The following DOCK3 variants were observed in gnomAD, a reference collection of about 807,000 sequenced individuals.
DOCK3 encodes the protein dedicator of cytokinesis protein 3.
DOCK3 carries 60 observed loss-of-function variants against 265.6 expected under a neutral mutation model. The ratio of observed to expected loss-of-function variants is 0.23; its 90% confidence interval spans 0.18 to 0.28. The LOEUF is 0.28. Ranked by LOEUF, DOCK3 falls within the 10% of genes least tolerant of loss-of-function variation. The pLI, the probability that DOCK3 is intolerant of heterozygous loss-of-function variation, is 1.00. For missense variants in DOCK3, 1,981 were observed against 2,594.3 expected (o/e 0.76, Z 5.14); for synonymous variants, 881 against 938.0 (o/e 0.94, Z 1.11).
chr3:50,675,657 G>T lies in DOCK3; in HGVS notation c.37+357G>T, dbSNP rs73833239. ...TATGTTTTCTCCCCTCCAAAAGCTC[G>T]ATTTTAATGAGTTTCCGCACCTGAA... On this transcript the variant is annotated intron_variant, in intron 1 of 52. Coordinates refer to ENST00000266037, the MANE Select transcript of DOCK3 (RefSeq NM_004947.5). The surrounding 1 kb of genome is among the most constrained non-coding windows in gnomAD (Gnocchi z 6.1). 0.025 allele frequency among the ~76,000 whole-genome samples: 3,789 copies of T among 152,290 alleles called. 180 individuals carry two copies. The highest frequency in any genetic ancestry group is 0.087 in the African/African-American group (3,603 of 41,550).
chr3:50,897,075 C>T (rs530731255), intron 4 of DOCK3, among the ~76,000 whole-genome samples: 1 of 152,044 alleles, frequency 6.6e-6, no homozygotes, highest in African/African-American at 2.4e-5. Flanking sequence ...TTACTTTGGG[C>T]AGTATGGCCA....
intron 22 of DOCK3, 79 bp downstream of exon 22, chr3:51,246,886 G>A (rs112799991): frequency 0.029 from 41,145 of 1,409,970 alleles, 805 homozygotes; most frequent in Non-Finnish European, 0.031. Flanking sequence ...ACAATGTGCA[G>A]GACAAATGTA....
chr3:51,166,146 G>A (rs1332592029), intron 12 of DOCK3, among the ~76,000 whole-genome samples: 2 of 151,322 alleles, frequency 1.3e-5, no homozygotes, highest in African/African-American at 4.9e-5. Flanking sequence ...CACTTCCCGG[G>A]TTCAAGCAAT....
At chr3:51,123,694 A>G (rs1408963286) in intron 9 of DOCK3, among the ~76,000 whole-genome samples, 1 of 152,124 alleles carries the variant, frequency 6.6e-6, no homozygotes, top group African/African-American at 2.4e-5. Context: ...GGGACTCAGC[A>G]CCCAAGGTTT....
intron 4 of DOCK3, among the ~76,000 whole-genome samples, chr3:50,892,222 A>G (rs1290648576): frequency 1.3e-5 from 2 of 152,088 alleles, no homozygotes; most frequent in East Asian, 1.9e-4. Context: ...TTTTCTCCAG[A>G]TAATTTTTCA....
intron 10 of DOCK3, among the ~76,000 whole-genome samples, chr3:51,157,803 T>TTC (rs1349707275): frequency 6.7e-6 from 1 of 150,320 alleles, no homozygotes; most frequent in East Asian, 2.0e-4. Context: ...TACCTTTTTT[T>TTC]TTTTTTTTTT....
intron 5 of DOCK3, among the ~76,000 whole-genome samples, chr3:51,031,886 A>G (rs926107928): frequency 6.6e-6 from 1 of 152,218 alleles, no homozygotes; most frequent in Admixed American, 6.5e-5. Flanking sequence ...GCAACAGGGT[A>G]CCACCTTGGA....
intron 9 of DOCK3, among the ~76,000 whole-genome samples, chr3:51,100,731 A>G (rs2083049405): frequency 6.6e-6 from 1 of 152,234 alleles, no homozygotes; most frequent in South Asian, 2.1e-4. Context: ...CCAGGATAAA[A>G]TCCAAAGTTA....
intron 14 of DOCK3, among the ~76,000 whole-genome samples, chr3:51,216,106 A>T (rs547299933): frequency 1.1e-4 from 17 of 152,334 alleles, no homozygotes; most frequent in Admixed American, 1.1e-3. Flanking sequence ...ATATACTTAA[A>T]GTCCTTCCTT....
intron 12 of DOCK3, among the ~76,000 whole-genome samples, chr3:51,203,494 A>G (rs2088956841): frequency 6.6e-6 from 1 of 152,300 alleles, no homozygotes; most frequent in African/African-American, 2.4e-5. Context: ...ACTACAAACC[A>G]CTGCTCAGTG....
In DOCK3 at chr3:51,095,851, CAAAAAAAAAAAA is replaced by C. The variant is rs71278627; in HGVS notation, c.746+5481_746+5492del. ...CCTTAAGTGACATAAATAAGGTTAG[CAAAAAAAAAAAA>C]AAAAAAAAAAAAAGAATGTTGACTA... On this transcript the variant is annotated intron_variant, in intron 9 of 52. Coordinates refer to ENST00000266037, the MANE Select transcript of DOCK3 (RefSeq NM_004947.5). Among the ~76,000 whole-genome samples, 4 of 9,800 alleles carry C rather than the reference CAAAAAAAAAAAA, an allele frequency of 4.1e-4. 1 individual carries two copies. The highest frequency in any genetic ancestry group is 1.7e-3 in the African/African-American group (4 of 2,348). The allele number at this position is 9,800 out of a possible 152,430, so 6.4% of individuals were successfully genotyped here.
At chr3:51,029,391 G>A (rs115878179) in intron 5 of DOCK3, among the ~76,000 whole-genome samples, 2,351 of 152,306 alleles carry the variant, frequency 0.015, 25 homozygotes, top group South Asian at 0.028. Context: ...CTCTCTCTCA[G>A]CATGTGCTTG....
At chr3:51,256,116 T>C (rs2079530852) in intron 22 of DOCK3, among the ~76,000 whole-genome samples, 1 of 152,240 alleles carries the variant, frequency 6.6e-6, no homozygotes, top group Non-Finnish European at 1.5e-5. Flanking sequence ...GCAGGTCTGT[T>C]GGAGTTTGCC....
At chr3:51,113,110 A>G (rs948106309) in intron 9 of DOCK3, among the ~76,000 whole-genome samples, 3 of 152,162 alleles carry the variant, frequency 2.0e-5, no homozygotes, top group African/African-American at 7.2e-5. Context: ...CTGGGGATTC[A>G]GCATAAAACA....
chr3:51,035,289 T>C (rs2080222989), intron 5 of DOCK3, among the ~76,000 whole-genome samples: 1 of 152,252 alleles, frequency 6.6e-6, no homozygotes, highest in South Asian at 2.1e-4. Context: ...TTCTTTTTAT[T>C]CTTTGTCTTT....
chr3:50,978,823 C>A (rs534851657), intron 5 of DOCK3, among the ~76,000 whole-genome samples: 1 of 152,202 alleles, frequency 6.6e-6, no homozygotes, highest in African/African-American at 2.4e-5. Context: ...ACCCTCCGAG[C>A]CACGTGCGGG....
intron 4 of DOCK3, among the ~76,000 whole-genome samples, chr3:50,930,471 C>T (rs1318949269): frequency 2.0e-5 from 3 of 152,178 alleles, no homozygotes; most frequent in Non-Finnish European, 2.9e-5. Context: ...GTGCCCAAAA[C>T]GATGGGGCTG....
chr3:50,978,093 C>T (rs900254643), intron 5 of DOCK3, among the ~76,000 whole-genome samples: 2 of 151,972 alleles, frequency 1.3e-5, no homozygotes, highest in African/African-American at 4.8e-5. Flanking sequence ...GTTTGAGTGT[C>T]CTCCCGTAGC....
intron 1 of DOCK3, among the ~76,000 whole-genome samples, chr3:50,711,551 C>A (rs760400109): frequency 6.6e-6 from 1 of 152,054 alleles, no homozygotes; most frequent in African/African-American, 2.4e-5. Flanking sequence ...CGTGAACCAC[C>A]GCGCCCGGCC....
Sources: allele counts gnomAD v4.1 joint callset (sites outside exome capture counted in the v4.1 genomes callset), GRCh38; gene constraint gnomAD v4.1.1; non-coding constraint Gnocchi (gnomAD v3.1); transcripts MANE v1.5; gene names NCBI Gene and HGNC (gene_info 2026-07-23, HGNC 2026-07-21).